CNTN5: variants seen among roughly 807,000 people sequenced by gnomAD.
CNTN5 encodes the protein contactin-5.
Under a neutral mutation model 129.1 loss-of-function variants are expected in CNTN5, and 77 were observed. The observed-to-expected ratio is 0.60, with a 90% confidence interval of 0.50 to 0.72. The LOEUF is 0.72. CNTN5 is among the 30% of genes least tolerant of loss of function. The pLI, the probability that CNTN5 is intolerant of heterozygous loss-of-function variation, is 0.00. For synonymous variants in CNTN5, 509 were observed against 465.6 expected (o/e 1.09, Z -1.20); for missense variants, 1,478 against 1,328.8 (o/e 1.11, Z -1.75).
At chr11:99,600,717 C>A (rs1480700778) in intron 3 of CNTN5, among the ~76,000 whole-genome samples, 1 of 152,074 alleles carries the variant, frequency 6.6e-6, no homozygotes, top group Non-Finnish European at 1.5e-5. Context: ...CAAGGTTATC[C>A]ACCAGTGTTG....
chr11:99,859,210 T>A (rs1218469642), intron 6 of CNTN5, among the ~76,000 whole-genome samples: 1 of 152,218 alleles, frequency 6.6e-6, no homozygotes, highest in Non-Finnish European at 1.5e-5. Context: ...ATCTCTAATT[T>A]TGAGATCAGA....
rs1215270904 is a variant in CNTN5 at position 99,722,999 on chromosome 11, A to AT, written c.56-96536dup. 1.5e-4 allele frequency among the ~76,000 whole-genome samples: 23 copies of AT among 150,640 alleles called. No individual in the cohort carries two copies. The East Asian group carries it at 1.6e-3, about 10-fold the overall frequency. ...AGTTAAACCAGTTTCCAACAACACT[A>AT]TTTTTTTTTCAGCTCATGCACTCTA... On this transcript the variant is annotated intron_variant, in intron 3 of 24. Coordinates refer to ENST00000524871, the MANE Select transcript of CNTN5 (RefSeq NM_014361.4).
At chr11:99,135,023 T>G (rs1032498776) in intron 1 of CNTN5, among the ~76,000 whole-genome samples, 5 of 152,238 alleles carry the variant, frequency 3.3e-5, no homozygotes, top group African/African-American at 9.6e-5. Context: ...GAACATTTAT[T>G]CCACTTCCAC....
intron 2 of CNTN5, among the ~76,000 whole-genome samples, chr11:99,543,083 A>G (rs1208413831): frequency 6.6e-6 from 1 of 152,172 alleles, no homozygotes; most frequent in Non-Finnish European, 1.5e-5. Flanking sequence ...TCTGTTATAT[A>G]TATATTCCTG....
intron 8 of CNTN5, among the ~76,000 whole-genome samples, chr11:99,976,174 G>A (rs1448826408): frequency 2.0e-5 from 3 of 152,222 alleles, no homozygotes; most frequent in Non-Finnish European, 4.4e-5. Flanking sequence ...CATCCAGGGA[G>A]TGCTGATGCA....
intron 2 of CNTN5, among the ~76,000 whole-genome samples, chr11:99,332,076 TG>T (rs1866023184): frequency 6.6e-6 from 1 of 152,154 alleles, no homozygotes; most frequent in Non-Finnish European, 1.5e-5. Flanking sequence ...CATAAAGTTT[TG>T]GGGTGATTTG....
chr11:99,940,632 A>G (rs1251314638), intron 7 of CNTN5, among the ~76,000 whole-genome samples: 2 of 152,106 alleles, frequency 1.3e-5, no homozygotes, highest in East Asian at 1.9e-4. Flanking sequence ...TGATGAAAGT[A>G]TTGGTGTATG....
chr11:99,239,936 C>CAAAAA (rs386374626), intron 1 of CNTN5, among the ~76,000 whole-genome samples: 3 of 105,220 alleles, frequency 2.9e-5, no homozygotes, highest in Non-Finnish European at 5.8e-5. Context: ...GACTCCGTCT[C>CAAAAA]AAAAAAAAAA....
At chr11:99,655,719 A>G (rs1020315667) in intron 3 of CNTN5, among the ~76,000 whole-genome samples, 6 of 152,088 alleles carry the variant, frequency 3.9e-5, no homozygotes, top group East Asian at 1.9e-4. Flanking sequence ...TCCATTTTAT[A>G]TACATACATA....
At chr11:100,112,514 T>C (rs1945688902) in intron 13 of CNTN5, among the ~76,000 whole-genome samples, 1 of 152,156 alleles carries the variant, frequency 6.6e-6, no homozygotes, top group South Asian at 2.1e-4. Flanking sequence ...TAGTTCCTTA[T>C]AAATTAGTCT....
intron 13 of CNTN5, among the ~76,000 whole-genome samples, chr11:100,127,122 T>C (rs1040817721): frequency 6.4e-4 from 66 of 102,410 alleles, no homozygotes; most frequent in Non-Finnish European, 1.2e-3. Context: ...TTTTTTTTTT[T>C]AGAGATAGGG....
chr11:99,446,498 C>A (rs893024565), intron 2 of CNTN5, among the ~76,000 whole-genome samples: 9 of 152,076 alleles, frequency 5.9e-5, no homozygotes, highest in African/African-American at 2.2e-4. Flanking sequence ...TCCAATCCTT[C>A]TATTTCAGTC....
At chr11:100,334,430 G>C (rs1163288249) in intron 21 of CNTN5, among the ~76,000 whole-genome samples, 1 of 152,076 alleles carries the variant, frequency 6.6e-6, no homozygotes, top group East Asian at 1.9e-4. Context: ...CCACTACTAG[G>C]TATCTACCCA....
intron 1 of CNTN5, among the ~76,000 whole-genome samples, chr11:99,256,760 C>A (rs974718682): frequency 8.6e-5 from 13 of 151,892 alleles, no homozygotes; most frequent in Middle Eastern, 3.4e-3. Flanking sequence ...ATAAACAGAA[C>A]AAATTAATGA....
chr11:99,920,301 C>T (rs1949905066), intron 7 of CNTN5, among the ~76,000 whole-genome samples: 1 of 152,098 alleles, frequency 6.6e-6, no homozygotes, highest in African/African-American at 2.4e-5. Flanking sequence ...TTTATAGTCC[C>T]CCAAGTGTCA....
chr11:99,949,309 T>C (rs759475780), intron 7 of CNTN5, among the ~76,000 whole-genome samples: 2 of 152,204 alleles, frequency 1.3e-5, no homozygotes, highest in Non-Finnish European at 2.9e-5. Flanking sequence ...ATGTCCAAAG[T>C]TGAACGGAGT....
intron 4 of CNTN5, among the ~76,000 whole-genome samples, chr11:99,821,304 C>G (rs1946793799): frequency 6.6e-6 from 1 of 152,012 alleles, no homozygotes; most frequent in Non-Finnish European, 1.5e-5. Flanking sequence ...ATGATGAGAA[C>G]AATAAATATT....
intron 13 of CNTN5, among the ~76,000 whole-genome samples, chr11:100,170,774 GAAACTT>G (rs1006382157): frequency 7.3e-5 from 11 of 150,196 alleles, no homozygotes; most frequent in South Asian, 2.1e-4. Context: ...TGATGAGAAA[GAAACTT>G]AAACTTCAAG....
chr11:99,621,207 A>G (rs998711420), intron 3 of CNTN5, among the ~76,000 whole-genome samples: 2 of 152,156 alleles, frequency 1.3e-5, no homozygotes, highest in African/African-American at 4.8e-5. Context: ...ACCCAAAAGC[A>G]TTGCATTTAA....
Sources: gnomAD v4.1 joint callset for allele counts (sites outside exome capture counted in the v4.1 genomes callset) on GRCh38, gnomAD v4.1.1 for gene constraint, MANE v1.5 for transcripts, NCBI Gene and HGNC (gene_info 2026-07-23, HGNC 2026-07-21) for gene names.